SAMD12: variants seen among roughly 807,000 people sequenced by gnomAD.
SAMD12 encodes the protein sterile alpha motif domain-containing protein 12.
In SAMD12, 9 loss-of-function variants were observed where a neutral mutation model predicts 15.0. The ratio of observed to expected loss-of-function variants is 0.60; its 90% CI spans 0.36 to 1.05. SAMD12 has a LOEUF of 1.05. Among genes scored for constraint, SAMD12 ranks in the 50% least tolerant of loss-of-function variants. The pLI is 0.01. For missense variants in SAMD12, 230 were observed against 234.2 expected, an observed-to-expected ratio of 0.98 and a Z score of 0.12; for synonymous variants, 86 against 90.1, an observed-to-expected ratio of 0.96 and a Z score of 0.25.
chr8:118,289,447 A>G (rs771930317), intron 4 of SAMD12, among the ~76,000 whole-genome samples: 16 of 152,130 alleles, frequency 1.1e-4, no homozygotes, highest in Non-Finnish European at 2.4e-4. Context: ...TAAATGTTCT[A>G]TTTTCCAAAT....
intron 2 of SAMD12, among the ~76,000 whole-genome samples, chr8:118,579,165 G>C (rs1472759562): frequency 2.0e-5 from 3 of 151,928 alleles, no homozygotes; most frequent in Non-Finnish European, 4.4e-5. Flanking sequence ...AATGTTTAAA[G>C]TTGAATTTAA....
chr8:118,489,645 C>T lies in SAMD12; in HGVS notation c.193-49684G>A, dbSNP rs368456840. ...CTTCCTATCAGGATGTTTTTTATGT[C>T]GACTGGAAATTACAATACTGTTCAT... On this transcript the variant is annotated intron_variant, in intron 2 of 3. Coordinates refer to ENST00000314727, the MANE Select transcript of SAMD12 (RefSeq NM_207506.3). Among the ~76,000 whole-genome samples, 26 of 152,162 alleles carry T rather than the reference C, an allele frequency of 1.7e-4. No individual in the cohort carries two copies. In the South Asian group the frequency reaches 4.4e-3, roughly 26 times the overall value.
intron 2 of SAMD12, among the ~76,000 whole-genome samples, chr8:118,565,747 C>G (rs1234436313): frequency 6.6e-6 from 1 of 152,220 alleles, no homozygotes; most frequent in Non-Finnish European, 1.5e-5. Context: ...TTCTCCCTCT[C>G]TCTCTCACCA....
At chr8:118,532,398 C>CTT (rs139355704) in intron 2 of SAMD12, among the ~76,000 whole-genome samples, 10 of 151,502 alleles carry the variant, frequency 6.6e-5, no homozygotes, top group Admixed American at 1.3e-4. Context: ...CTAAAATTCT[C>CTT]TTTTTTTTGT....
chr8:118,440,104 G>T, intron 2 of SAMD12, 143 bp from the exon 3 acceptor site: 1 of 751,800 alleles, frequency 1.3e-6, no homozygotes, highest in Non-Finnish European at 2.1e-6. Context: ...CCTAACCTCT[G>T]TAGACCTTCT....
intron 4 of SAMD12, among the ~76,000 whole-genome samples, chr8:118,335,880 G>A (rs1183813349): frequency 6.6e-6 from 1 of 152,014 alleles, no homozygotes; most frequent in East Asian, 1.9e-4. Context: ...GGGACAACAG[G>A]TGCACACCAC....
At chr8:118,521,149 T>C (rs1352552843) in intron 2 of SAMD12, among the ~76,000 whole-genome samples, 1 of 152,234 alleles carries the variant, frequency 6.6e-6, no homozygotes, top group African/African-American at 2.4e-5. Context: ...AAAATTGTAG[T>C]GTTTTTCCCT....
At chr8:118,567,783 T>C (rs1826892260) in intron 2 of SAMD12, among the ~76,000 whole-genome samples, 1 of 152,258 alleles carries the variant, frequency 6.6e-6, no homozygotes, top group Non-Finnish European at 1.5e-5. Flanking sequence ...CCTTTGGTTT[T>C]ACTGTTGCTT....
intron 2 of SAMD12, among the ~76,000 whole-genome samples, chr8:118,488,450 C>T (rs1450485710): frequency 6.6e-6 from 1 of 152,124 alleles, no homozygotes; most frequent in African/African-American, 2.4e-5. Context: ...TATGTATACA[C>T]CATGCAATCA....
chr8:118,483,965 CACAACAAGAAACTAAACTGAGA>C (rs1242547601), intron 2 of SAMD12, among the ~76,000 whole-genome samples: 1 of 152,142 alleles, frequency 6.6e-6, no homozygotes, highest in Non-Finnish European at 1.5e-5. Context: ...GTACTAGGTG[CACAACAAGAAACTAAACTGAGA>C]AAATGTCTAG....
chr8:118,425,444 G>C (rs1822202686), intron 3 of SAMD12, among the ~76,000 whole-genome samples: 1 of 152,178 alleles, frequency 6.6e-6, no homozygotes, highest in African/African-American at 2.4e-5. Flanking sequence ...AGGAGGCTAA[G>C]GCAAGAGGAC....
At chr8:118,403,488 C>T (rs1178164065) in intron 3 of SAMD12, among the ~76,000 whole-genome samples, 1 of 151,642 alleles carries the variant, frequency 6.6e-6, no homozygotes, top group African/African-American at 2.4e-5. Flanking sequence ...ATCTTAAGCT[C>T]CTTTATCCTT....
Position 118,286,480 on chromosome 8 carries a change from C to T in SAMD12, c.434-88748G>A, listed in dbSNP as rs56241899. Among the ~76,000 whole-genome samples, 562 of 152,304 alleles carry T rather than the reference C, an allele frequency of 3.7e-3. 1 individual carries two copies. The highest frequency in any genetic ancestry group is 5.4e-3 in the Non-Finnish European group (364 of 68,026). On this transcript the variant is annotated intron_variant, in intron 4 of 4. Coordinates refer to the SAMD12 transcript ENST00000409003. ...CTTTCTTCTGAAATCCTTCCAACCT[C>T]TTTTTCTTTCCAGCATCTTAATAAA...
rs372674356 is a variant in SAMD12 at position 118,238,738 on chromosome 8, A to G, written c.434-41006T>C. Among the ~76,000 whole-genome samples, 10 of 152,294 alleles carry G rather than the reference A, an allele frequency of 6.6e-5. No homozygotes were observed. The East Asian group carries it at 1.7e-3, about 26-fold the overall frequency. Reference sequence around the variant, plus strand: ...CAATAGCCTTATCAGTATTTTGGTTAGTTTTTACTTTTGTCCTTTTAGAAA... The same window carrying G: ...CAATAGCCTTATCAGTATTTTGGTTGGTTTTTACTTTTGTCCTTTTAGAAA... On this transcript the variant is annotated intron_variant, in intron 4 of 4. Transcript: ENST00000409003.
chr8:118,522,191 C>T (rs56731411), intron 2 of SAMD12, among the ~76,000 whole-genome samples: 62 of 32,180 alleles, frequency 1.9e-3, no homozygotes, highest in Non-Finnish European at 3.1e-3. Context: ...CACACACACA[C>T]ACACACATAC....
chr8:118,175,412 C>T, the SAMD12 span, among the ~76,000 whole-genome samples: 3 of 152,186 alleles, frequency 2.0e-5, no homozygotes, highest in African/African-American at 7.2e-5. Context: ...CTAGGAAATA[C>T]CATTCTGGAC....
intron 2 of SAMD12, among the ~76,000 whole-genome samples, chr8:118,481,100 G>C (rs1824112541): frequency 6.6e-6 from 1 of 151,996 alleles, no homozygotes; most frequent in South Asian, 2.1e-4. Context: ...GTGCCACCAA[G>C]CCTGGCTAAT....
chr8:118,197,638 T>A (rs1819602295), exon 5 of SAMD12: 1 of 1,241,444 alleles, frequency 8.1e-7, no homozygotes, highest in South Asian at 1.2e-5. Context: ...GTGCCATGGG[T>A]TAGTCTTTCT....
intron 2 of SAMD12, among the ~76,000 whole-genome samples, chr8:118,493,497 A>T (rs1410827174): frequency 6.6e-6 from 1 of 152,196 alleles, no homozygotes; most frequent in East Asian, 1.9e-4. Flanking sequence ...GCAGAATAAC[A>T]GTCTCTCAAA....
Sources: allele counts gnomAD v4.1 joint callset (sites outside exome capture counted in the v4.1 genomes callset), GRCh38; gene constraint gnomAD v4.1.1; transcripts MANE v1.5; gene names NCBI Gene and HGNC (gene_info 2026-07-23, HGNC 2026-07-21).